ZFX: variants seen among roughly 807,000 people sequenced by gnomAD.
ZFX encodes the protein zinc finger protein X-linked.
For synonymous variants in ZFX, 196 were observed against 226.8 expected (o/e 0.86, Z 1.22); for missense variants, 362 against 628.3 (o/e 0.58, Z 4.53).
chrX:24,189,035 C>T (rs377530916), intron 5 of ZFX, among the ~76,000 whole-genome samples: 1 of 111,579 alleles, frequency 9.0e-6, no homozygotes, highest in East Asian at 2.8e-4. Flanking sequence ...GACGGGGTTT[C>T]ACTGTGTTAA....
chrX:24,207,474 A>G lies in ZFX; in HGVS notation c.795A>G (p.Leu265=). ...AAGCTGACCCTGGAGAAGATGACTT[A>G]GGTAAGAAGAAGTGTTTAGACATTA... ...IFKADPGEDD[L]GGTVDIVESE... The change falls in exon 6 of 10, where the codon TTA becomes TTG. Residue 265 remains leucine, a splice_region_variant and synonymous_variant. Transcript: ENST00000304543. The G allele has an allele frequency of 8.3e-7, 1 of 1,206,504 alleles. No homozygotes were observed. The highest frequency in any genetic ancestry group is 1.7e-5 in the African/African-American group (1 of 57,377).
chrX:24,204,347 A>G (rs1354182042), intron 5 of ZFX, among the ~76,000 whole-genome samples: 3 of 112,262 alleles, frequency 2.7e-5, no homozygotes, highest in Non-Finnish European at 5.6e-5. Flanking sequence ...TATTAGATTC[A>G]TCTTGATGTT....
At chrX:24,187,302 G>GC (rs1403878752) in intron 5 of ZFX, among the ~76,000 whole-genome samples, 3 of 110,618 alleles carry the variant, frequency 2.7e-5, no homozygotes, top group Admixed American at 1.9e-4. Flanking sequence ...TCTCTTATTG[G>GC]CCCCCCCTTT....
chrX:24,196,793 A>G (rs1454771590), intron 5 of ZFX, among the ~76,000 whole-genome samples: 1 of 110,912 alleles, frequency 9.0e-6, no homozygotes, highest in Non-Finnish European at 1.9e-5. Flanking sequence ...ATGGGGTCTC[A>G]CTATGTTGTC....
chrX:24,194,620 A>G (rs1569157025), intron 5 of ZFX, among the ~76,000 whole-genome samples: 1 of 111,553 alleles, frequency 9.0e-6, no homozygotes, highest in Non-Finnish European at 1.9e-5. Context: ...TGTAGCCCAC[A>G]TTTATTTCCA....
chrX:24,161,457 G>GT, intron 3 of ZFX, among the ~76,000 whole-genome samples: 1 of 111,867 alleles, frequency 8.9e-6, no homozygotes, highest in Non-Finnish European at 1.9e-5. Flanking sequence ...TTGAGAAAAA[G>GT]TTGGAAGACT....
intron 3 of ZFX, among the ~76,000 whole-genome samples, chrX:24,165,391 T>C (rs1355918300): frequency 1.8e-5 from 2 of 112,555 alleles, no homozygotes; most frequent in Non-Finnish European, 3.8e-5. Context: ...AGTGCTGGGA[T>C]TATAGGCGTG....
At chrX:24,196,503 T>C (rs1936930889) in intron 5 of ZFX, among the ~76,000 whole-genome samples, 1 of 112,850 alleles carries the variant, frequency 8.9e-6, no homozygotes, top group Non-Finnish European at 1.9e-5. Flanking sequence ...AAAATATCAT[T>C]TGCAGCATAA....
In ZFX at chrX:24,189,022, A is replaced by G. The variant is rs952111617; in HGVS notation, c.646+9252A>G. 2.8e-4 allele frequency among the ~76,000 whole-genome samples: 31 copies of G among 111,508 alleles called. 1 individual carries two copies. Among genetic ancestry groups the G allele is most frequent in the African/African-American group, 1.0e-3 (31 of 30,629 alleles). Reference sequence around the variant, plus strand: ...CTGACTAATTTTTTGTATTTTTAGTAGAGACGGGGTTTCACTGTGTTAACC... The same window carrying G: ...CTGACTAATTTTTTGTATTTTTAGTGGAGACGGGGTTTCACTGTGTTAACC... On this transcript the variant is annotated intron_variant, in intron 5 of 9. Coordinates refer to ENST00000304543, the MANE Select transcript of ZFX (RefSeq NM_003410.4).
At position 24,211,035 on chromosome X, in the gene ZFX, A is replaced by C; in HGVS notation, c.2077A>C (p.Arg693=). The change falls in exon 10 of 10, where the codon AGA becomes CGA. Residue 693 remains arginine, a synonymous_variant. Transcript: ENST00000304543. ...CAAGGGCAAAAAAATGCACCAGTGT[A>C]GACATTGTGACTTTAAGATTGCAGA... ...AHKGKKMHQC[R]HCDFKIADPF... 3 of 1,212,386 alleles carry C rather than the reference A, an allele frequency of 2.5e-6. No individual in the cohort carries two copies. Among genetic ancestry groups the C allele is most frequent in the Non-Finnish European group, 3.3e-6 (3 of 895,677 alleles).
intron 5 of ZFX, among the ~76,000 whole-genome samples, chrX:24,204,828 C>G (rs184175701): frequency 9.7e-4 from 109 of 111,990 alleles, no homozygotes; most frequent in African/African-American, 3.4e-3. Flanking sequence ...TACCACCTGC[C>G]TCACAGGGTT....
chrX:24,158,659 C>T (rs1013632948), intron 3 of ZFX, among the ~76,000 whole-genome samples: 10 of 110,730 alleles, frequency 9.0e-5, no homozygotes, highest in African/African-American at 1.3e-4. Context: ...TATTTTGAGC[C>T]GGGGTCTTGC....
At chrX:24,183,478 C>A (rs1935846501) in intron 5 of ZFX, among the ~76,000 whole-genome samples, 1 of 111,287 alleles carries the variant, frequency 9.0e-6, no homozygotes, top group African/African-American at 3.3e-5. Flanking sequence ...TGAGCTACCA[C>A]GCCTGGCCGA....
At chrX:24,167,487 C>T (rs751220705) in intron 3 of ZFX, among the ~76,000 whole-genome samples, 4 of 111,638 alleles carry the variant, frequency 3.6e-5, no homozygotes, top group Non-Finnish European at 7.5e-5. Flanking sequence ...ATTCAACTAA[C>T]TGAATAATGA....
intron 5 of ZFX, among the ~76,000 whole-genome samples, chrX:24,197,226 G>C (rs1936982082): frequency 9.0e-6 from 1 of 111,547 alleles, no homozygotes; most frequent in South Asian, 3.7e-4. Flanking sequence ...TCCCAGCGCT[G>C]TAGGAAATGG....
intron 1 of ZFX, chrX:24,150,118 C>T (rs1477624160): frequency 1.0e-5 from 1 of 97,773 alleles, no homozygotes; most frequent in Non-Finnish European, 2.0e-5. Flanking sequence ...GAGGCGAAGG[C>T]TGCAGGCGTG....
intron 5 of ZFX, among the ~76,000 whole-genome samples, chrX:24,185,717 T>C (rs1383216960): frequency 8.9e-6 from 1 of 112,733 alleles, no homozygotes; most frequent in African/African-American, 3.2e-5. Flanking sequence ...CCCGAAGTGC[T>C]AGGATTACAG....
chrX:24,180,867 T>C (rs904972750), intron 5 of ZFX, among the ~76,000 whole-genome samples: 1 of 112,097 alleles, frequency 8.9e-6, no homozygotes, highest in Non-Finnish European at 1.9e-5. Flanking sequence ...TAAAGTATTT[T>C]GAAACACACC....
chrX:24,191,928 G>T (rs180869134), intron 5 of ZFX, among the ~76,000 whole-genome samples: 1 of 111,018 alleles, frequency 9.0e-6, no homozygotes, highest in East Asian at 2.8e-4. Flanking sequence ...TCAAACTCCC[G>T]ATCTCAGGTG....
Sources: gnomAD v4.1 joint callset for allele counts (sites outside exome capture counted in the v4.1 genomes callset) on GRCh38, gnomAD v4.1.1 for gene constraint, MANE v1.5 for transcripts, NCBI Gene and HGNC (gene_info 2026-07-23, HGNC 2026-07-21) for gene names.